Variants in CNBD1 observed in about 807,000 individuals in gnomAD.
CNBD1 encodes cyclic nucleotide-binding domain-containing protein 1.
A neutral mutation model predicts 54.4 loss-of-function variants in CNBD1; 71 were observed. The observed-to-expected ratio is 1.30, with a 90% CI of 1.08 to 1.59. The LOEUF is 1.59. Among genes scored for constraint, CNBD1 ranks in the 40% most tolerant of loss-of-function variants. The pLI is 0.00. For missense variants in CNBD1, 659 were observed against 518.0 expected, an observed-to-expected ratio of 1.27 and a Z score of -2.64; for synonymous variants, 182 against 170.7, an observed-to-expected ratio of 1.07 and a Z score of -0.51.
At chr8:86,969,997 T>G (rs1808184431) in intron 4 of CNBD1, among the ~76,000 whole-genome samples, 1 of 152,090 alleles carries the variant, frequency 6.6e-6, no homozygotes, top group African/African-American at 2.4e-5. Context: ...TGATGGCAAA[T>G]TCTTTCAGAT....
At chr8:86,911,279 G>C (rs1169348861) in intron 3 of CNBD1, among the ~76,000 whole-genome samples, 1 of 152,126 alleles carries the variant, frequency 6.6e-6, no homozygotes, top group East Asian at 1.9e-4. Context: ...TTATTTGGGG[G>C]CTGCTTTTTG....
chr8:87,226,826 T>A (rs561012792), intron 5 of CNBD1, among the ~76,000 whole-genome samples: 2 of 151,418 alleles, frequency 1.3e-5, no homozygotes, highest in East Asian at 1.9e-4. Flanking sequence ...ATCTGTCTAA[T>A]GTTGACAGTG....
intron 4 of CNBD1, among the ~76,000 whole-genome samples, chr8:87,078,032 C>A (rs908225480): frequency 1.3e-5 from 2 of 152,220 alleles, no homozygotes; most frequent in Non-Finnish European, 2.9e-5. Flanking sequence ...AAAGGTCTCA[C>A]TTCCAAATGT....
rs34829455 is a variant in CNBD1 at position 87,241,268 on chromosome 8, ATTTTT to A, written c.771+4175_771+4179del. Among the ~76,000 whole-genome samples, 5 of 93,856 alleles carry A rather than the reference ATTTTT, an allele frequency of 5.3e-5. No homozygotes were observed. The South Asian group carries it at 1.1e-3, about 21-fold the overall frequency. The allele number at this position is 93,856 out of a possible 152,430, so 61.6% of individuals were successfully genotyped here. A position where few individuals can be genotyped will look rare whatever the true frequency, so the allele number is the denominator to read the frequency against. On this transcript the variant is annotated intron_variant, in intron 6 of 10. Transcript: ENST00000518476. The stretch of plus-strand genomic sequence containing the variant: ...GGGCACAAAAATCTGTATTTGGAAG[ATTTTT>A]TTTTTTTTTTTTTTTTTTGAGGAGT...
chr8:86,925,482 AGTGTGT>A (rs71275894), intron 3 of CNBD1, among the ~76,000 whole-genome samples: 11,807 of 141,614 alleles, frequency 0.083, 557 homozygotes, highest in East Asian at 0.13. Context: ...CTTACCAAAA[AGTGTGT>A]GTGTGTGTGT....
chr8:87,283,712 C>G (rs1001260283), intron 6 of CNBD1, among the ~76,000 whole-genome samples: 1 of 152,080 alleles, frequency 6.6e-6, no homozygotes, highest in East Asian at 1.9e-4. Flanking sequence ...CACTTCACAA[C>G]TGGGGCAATC....
At chr8:87,260,740 C>CT (rs898180346) in intron 6 of CNBD1, among the ~76,000 whole-genome samples, 13 of 150,638 alleles carry the variant, frequency 8.6e-5, no homozygotes, top group Non-Finnish European at 1.2e-4. Flanking sequence ...AAATCTTTTT[C>CT]TTTTTTTTTC....
intron 4 of CNBD1, among the ~76,000 whole-genome samples, chr8:87,116,697 T>A (rs1187921624): frequency 6.6e-6 from 1 of 152,208 alleles, no homozygotes; most frequent in Admixed American, 6.5e-5. Flanking sequence ...TAAATGACAT[T>A]AATCTGAAGG....
At chr8:86,909,118 T>C (rs547292428) in intron 3 of CNBD1, among the ~76,000 whole-genome samples, 1 of 152,270 alleles carries the variant, frequency 6.6e-6, no homozygotes, top group East Asian at 1.9e-4. Context: ...AACATAATGG[T>C]CATTTTTTTT....
chr8:87,101,394 C>A (rs543861686), intron 4 of CNBD1, among the ~76,000 whole-genome samples: 1 of 151,940 alleles, frequency 6.6e-6, no homozygotes, highest in East Asian at 1.9e-4. Context: ...AAAAAGCAGG[C>A]ATTTCACAAA....
chr8:87,308,525 G>T (rs1454456101), intron 8 of CNBD1, among the ~76,000 whole-genome samples: 1 of 152,054 alleles, frequency 6.6e-6, no homozygotes, highest in Non-Finnish European at 1.5e-5. Flanking sequence ...TGCATACAAT[G>T]TGTCATGATC....
At chr8:87,362,834 T>A (rs1197827950) in intron 10 of CNBD1, among the ~76,000 whole-genome samples, 3 of 152,100 alleles carry the variant, frequency 2.0e-5, no homozygotes, top group Non-Finnish European at 4.4e-5. Context: ...TGATTTGACT[T>A]GGATCAATCT....
chr8:87,404,597 G>A (rs761969259), intron 2 of CNBD1, among the ~76,000 whole-genome samples: 3 of 152,080 alleles, frequency 2.0e-5, no homozygotes, highest in Non-Finnish European at 4.4e-5. Context: ...GTTGCATGTA[G>A]AAGTGGTTCT....
chr8:87,412,557 A>C (rs2130986168), intron 2 of CNBD1, among the ~76,000 whole-genome samples: 1 of 152,212 alleles, frequency 6.6e-6, no homozygotes, highest in East Asian at 1.9e-4. Flanking sequence ...AAATTTCACC[A>C]AGAAAAATCA....
intron 6 of CNBD1, among the ~76,000 whole-genome samples, chr8:87,273,538 A>G (rs887015857): frequency 6.6e-6 from 1 of 152,034 alleles, no homozygotes; most frequent in Non-Finnish European, 1.5e-5. Context: ...TTATCAGCCA[A>G]ACTGTGCTCT....
intron 4 of CNBD1, among the ~76,000 whole-genome samples, chr8:86,966,402 TGTG>T (rs1808075551): frequency 6.6e-6 from 1 of 152,184 alleles, no homozygotes; most frequent in African/African-American, 2.4e-5. Context: ...CGTGGACCCT[TGTG>T]GTGAGTGTTA....
intron 5 of CNBD1, among the ~76,000 whole-genome samples, chr8:87,222,738 C>T (rs1025293250): frequency 6.6e-6 from 1 of 152,138 alleles, no homozygotes. Flanking sequence ...TGGCCGTTAA[C>T]CTTTCAAAAA....
intron 5 of CNBD1, among the ~76,000 whole-genome samples, chr8:87,212,043 A>C (rs1045464548): frequency 1.3e-5 from 2 of 152,216 alleles, no homozygotes; most frequent in Non-Finnish European, 2.9e-5. Context: ...TTAAAGGAGA[A>C]TTTAGAGCAC....
intron 8 of CNBD1, among the ~76,000 whole-genome samples, chr8:87,349,988 G>T (rs1810251455): frequency 6.6e-6 from 1 of 152,124 alleles, no homozygotes; most frequent in South Asian, 2.1e-4. Context: ...AGTAGTACAG[G>T]TCTCATAGTT....
Sources: allele counts gnomAD v4.1 joint callset (sites outside exome capture counted in the v4.1 genomes callset), GRCh38; gene constraint gnomAD v4.1.1; transcripts MANE v1.5; gene names NCBI Gene and HGNC (gene_info 2026-07-23, HGNC 2026-07-21).